ERC2: variants seen among roughly 807,000 people sequenced by gnomAD.
The protein encoded by ERC2 is ELKS/RAB6-interacting/CAST family member 2, also known as ERC protein 2.
A neutral mutation model predicts 114.8 loss-of-function variants in ERC2; 42 were observed. The ratio of observed to expected loss-of-function variants is 0.37; its 90% confidence interval spans 0.29 to 0.47. The LOEUF (loss-of-function observed/expected upper bound fraction) is 0.47, where lower values mean the gene tolerates loss of function less well. ERC2 is among the 20% of genes least tolerant of loss of function. ERC2 has a pLI of 0.99. For missense variants in ERC2, 939 were observed against 1,150.7 expected (o/e 0.82, Z 2.66); for synonymous variants, 454 against 425.5 (o/e 1.07, Z -0.82).
intron 13 of ERC2, among the ~76,000 whole-genome samples, chr3:55,902,548 G>A (rs1208855053): frequency 1.3e-5 from 2 of 152,176 alleles, no homozygotes; most frequent in African/African-American, 2.4e-5. Flanking sequence ...AAGGCTGACC[G>A]ACAGAACTTA....
chr3:55,659,507 CCT>C (rs1231741349), intron 17 of ERC2: 2 of 152,260 alleles, frequency 1.3e-5, no homozygotes, highest in Non-Finnish European at 2.9e-5. Context: ...CCCCCTACCA[CCT>C]CTCTCAGGTC....
intron 7 of ERC2, among the ~76,000 whole-genome samples, chr3:56,040,611 A>ACATATATATCTATATATGTATATATAC (rs11391505): frequency 1.2e-4 from 4 of 33,108 alleles, no homozygotes; most frequent in Non-Finnish European, 1.9e-4. Flanking sequence ...ATGTATATAT[A>ACATATATATCTATATATGTATATATAC]ATATATAGAT....
chr3:56,255,081 C>T (rs1053394558), intron 3 of ERC2, among the ~76,000 whole-genome samples: 6 of 152,304 alleles, frequency 3.9e-5, no homozygotes, highest in Non-Finnish European at 5.9e-5. Context: ...AAAGGGACAA[C>T]GGCCTTAATC....
intron 12 of ERC2, among the ~76,000 whole-genome samples, chr3:55,977,579 C>T (rs2069692446): frequency 6.6e-6 from 1 of 152,194 alleles, no homozygotes; most frequent in South Asian, 2.1e-4. Flanking sequence ...TTGAAAAGCG[C>T]ATTGCACTGG....
chr3:55,925,724 T>C (rs2065707892), intron 13 of ERC2, among the ~76,000 whole-genome samples: 1 of 152,130 alleles, frequency 6.6e-6, no homozygotes, highest in Non-Finnish European at 1.5e-5. Context: ...AGTTTGGAAA[T>C]ATCCCAGTAA....
chr3:56,349,902 G>C (rs990605350), intron 2 of ERC2, among the ~76,000 whole-genome samples: 1 of 142,608 alleles, frequency 7.0e-6, no homozygotes, highest in Non-Finnish European at 1.5e-5. Context: ...GAGACAGCAA[G>C]ACTCCGTCTC....
intron 17 of ERC2, among the ~76,000 whole-genome samples, chr3:55,543,390 T>C (rs2054530590): frequency 6.6e-6 from 1 of 152,016 alleles, no homozygotes; most frequent in Non-Finnish European, 1.5e-5. Context: ...AACATCCCGA[T>C]GAAAAAGGAA....
chr3:55,729,606 G>A (rs2065119561), intron 15 of ERC2, among the ~76,000 whole-genome samples: 1 of 152,048 alleles, frequency 6.6e-6, no homozygotes, highest in Non-Finnish European at 1.5e-5. Context: ...GGGAGGCCAA[G>A]GTGGGAGGAT....
chr3:55,729,299 C>T (rs891085715), intron 15 of ERC2, among the ~76,000 whole-genome samples: 13 of 152,100 alleles, frequency 8.5e-5, no homozygotes, highest in Admixed American at 3.3e-4. Context: ...TGCTTCATTC[C>T]GTCTGCTGGA....
At chr3:56,116,278 A>C (rs560928593) in intron 6 of ERC2, among the ~76,000 whole-genome samples, 1 of 152,324 alleles carries the variant, frequency 6.6e-6, no homozygotes, top group East Asian at 1.9e-4. Flanking sequence ...ATAGCCCAGA[A>C]GCTTGGCTTT....
intron 9 of ERC2, among the ~76,000 whole-genome samples, chr3:56,009,452 T>C (rs2072748142): frequency 6.6e-6 from 1 of 152,212 alleles, no homozygotes; most frequent in Non-Finnish European, 1.5e-5. Flanking sequence ...TTTTCCTTCT[T>C]CATCTAGATT....
chr3:56,380,495 C>T (rs911468374), intron 2 of ERC2, among the ~76,000 whole-genome samples: 1 of 151,968 alleles, frequency 6.6e-6, no homozygotes, highest in South Asian at 2.1e-4. Context: ...TTTGTGTCTC[C>T]TTTCCACCTT....
At chr3:55,684,307 AAC>A (rs938592742) in intron 16 of ERC2, among the ~76,000 whole-genome samples, 22 of 148,972 alleles carry the variant, frequency 1.5e-4, no homozygotes, top group Admixed American at 4.0e-4. Context: ...AAGAATTAAA[AAC>A]ACACACACAC....
At chr3:56,134,715 G>A (rs1328395782) in intron 6 of ERC2, among the ~76,000 whole-genome samples, 1 of 151,976 alleles carries the variant, frequency 6.6e-6, no homozygotes, top group Non-Finnish European at 1.5e-5. Flanking sequence ...GTTAATGAAC[G>A]GGTTCTCAAG....
chr3:55,992,679 T>A (rs191991495), intron 10 of ERC2, among the ~76,000 whole-genome samples: 2 of 152,204 alleles, frequency 1.3e-5, no homozygotes, highest in Non-Finnish European at 2.9e-5. Flanking sequence ...AATATTGGAT[T>A]ATTTTCCAAG....
intron 3 of ERC2, among the ~76,000 whole-genome samples, chr3:56,237,876 CCTTT>C (rs2051059908): frequency 7.8e-6 from 1 of 128,498 alleles, no homozygotes; most frequent in Admixed American, 9.5e-5. Context: ...ATGATTTCTG[CCTTT>C]CTATTTTTTC....
chr3:56,423,549 A>T (rs1011627435), intron 2 of ERC2, among the ~76,000 whole-genome samples: 1 of 152,264 alleles, frequency 6.6e-6, no homozygotes, highest in African/African-American at 2.4e-5. Context: ...ATGGAGACAA[A>T]CGAGACAGCT....
At chr3:56,438,706 C>G (rs1262771719) in intron 1 of ERC2, among the ~76,000 whole-genome samples, 1 of 152,214 alleles carries the variant, frequency 6.6e-6, no homozygotes, top group Admixed American at 6.5e-5. Context: ...TCTAACTTGT[C>G]TTCCTCTGTC....
intron 2 of ERC2, among the ~76,000 whole-genome samples, chr3:56,345,337 A>C (rs572823327): frequency 5.9e-5 from 9 of 152,246 alleles, no homozygotes; most frequent in Non-Finnish European, 1.2e-4. Context: ...AAAGACAGGC[A>C]TAGCCCTACT....
Sources: allele counts gnomAD v4.1 joint callset (sites outside exome capture counted in the v4.1 genomes callset), GRCh38; gene constraint gnomAD v4.1.1; transcripts MANE v1.5; gene names NCBI Gene and HGNC (gene_info 2026-07-23, HGNC 2026-07-21).